The following TNNI3K variants were observed in gnomAD, a reference collection of about 807,000 sequenced individuals.
TNNI3K encodes the protein serine/threonine-protein kinase TNNI3K.
In TNNI3K, 140 loss-of-function variants were observed where a neutral mutation model predicts 114.5. The observed-to-expected ratio is 1.22, with a 90% CI of 1.07 to 1.41. TNNI3K has a LOEUF of 1.41. Ranked by LOEUF, TNNI3K falls within the 40% of genes most tolerant of loss-of-function variation. TNNI3K has a pLI of 0.00. For synonymous variants in TNNI3K, 347 were observed against 347.5 expected, an observed-to-expected ratio of 1.00 and a Z score of 0.02; for missense variants, 1,125 against 1,007.6, an observed-to-expected ratio of 1.12 and a Z score of -1.58.
chr1:74,259,021 C>A (rs1181366214), intron 4 of TNNI3K, among the ~76,000 whole-genome samples: 2 of 152,196 alleles, frequency 1.3e-5, no homozygotes, highest in Non-Finnish European at 2.9e-5. Context: ...GCATCCACCC[C>A]AACTAAAAGA....
At chr1:74,525,821 C>A (rs1439653680) in intron 23 of TNNI3K, among the ~76,000 whole-genome samples, 1 of 152,122 alleles carries the variant, frequency 6.6e-6, no homozygotes, top group African/African-American at 2.4e-5. Flanking sequence ...ACCTGGGTTG[C>A]CCCAGGATTC....
At chr1:74,237,126 T>G (rs17527324) in intron 2 of TNNI3K, among the ~76,000 whole-genome samples, 14,197 of 151,994 alleles carry the variant, frequency 0.093, 685 homozygotes, top group Middle Eastern at 0.13. Flanking sequence ...TAATATAGTT[T>G]ATATGAAATT....
chr1:74,352,555 T>C (rs1661417995), intron 9 of TNNI3K, among the ~76,000 whole-genome samples: 1 of 152,220 alleles, frequency 6.6e-6, no homozygotes, highest in African/African-American at 2.4e-5. Context: ...GTCTGTGCCG[T>C]GCCCCCAGAG....
intron 5 of TNNI3K, among the ~76,000 whole-genome samples, chr1:74,282,164 TTACAG>T (rs1657054181): frequency 6.6e-6 from 1 of 151,910 alleles, no homozygotes; most frequent in South Asian, 2.1e-4. Flanking sequence ...TCACTGTACA[TTACAG>T]TAGAGTTAGA....
At chr1:74,309,381 A>AAAAAAAAAAG (rs1553129785) in intron 5 of TNNI3K, among the ~76,000 whole-genome samples, 2,016 of 143,210 alleles carry the variant, frequency 0.014, 122 homozygotes, top group African/African-American at 0.052. Flanking sequence ...AAAAAAAAAA[A>AAAAAAAAAAG]GAAGAGATAA....
At chr1:74,330,714 AT>A (rs543570874) in intron 5 of TNNI3K, among the ~76,000 whole-genome samples, 6 of 152,018 alleles carry the variant, frequency 3.9e-5, no homozygotes, top group Non-Finnish European at 5.9e-5. Context: ...TAGAAAAAAT[AT>A]TTTTTTTCTC....
intron 23 of TNNI3K, among the ~76,000 whole-genome samples, chr1:74,504,784 A>C (rs1304578420): frequency 3.3e-5 from 5 of 152,032 alleles, no homozygotes; most frequent in African/African-American, 1.2e-4. Flanking sequence ...TGATGCTGTA[A>C]TTTCGTGTTC....
intron 23 of TNNI3K, among the ~76,000 whole-genome samples, chr1:74,512,285 A>G (rs1393400693): frequency 6.6e-6 from 1 of 152,174 alleles, no homozygotes; most frequent in Non-Finnish European, 1.5e-5. Flanking sequence ...AGTGACATAG[A>G]CACAGTAGAG....
At chr1:74,403,540 C>G (rs1223964605) in intron 17 of TNNI3K, among the ~76,000 whole-genome samples, 1 of 152,072 alleles carries the variant, frequency 6.6e-6, no homozygotes, top group Non-Finnish European at 1.5e-5. Context: ...TTATTGTCTA[C>G]TATTAACATT....
At chr1:74,457,070 A>T (rs1369201846) in intron 20 of TNNI3K, among the ~76,000 whole-genome samples, 4 of 152,106 alleles carry the variant, frequency 2.6e-5, no homozygotes, top group African/African-American at 9.7e-5. Flanking sequence ...ATACAAACAC[A>T]CTGATGATGT....
At chr1:74,445,843 C>T (rs1160775829) in intron 20 of TNNI3K, among the ~76,000 whole-genome samples, 2 of 152,064 alleles carry the variant, frequency 1.3e-5, no homozygotes, top group African/African-American at 4.8e-5. Flanking sequence ...ATCTCCTGAC[C>T]TCGTGATCCG....
rs1431968889 is a variant in TNNI3K at position 74,249,469 on chromosome 1, G to A, written c.160G>A (p.Ala54Thr). 1 of 1,612,718 alleles carries A rather than the reference G, an allele frequency of 6.2e-7. No individual in the cohort carries two copies. Among genetic ancestry groups the A allele is most frequent in the East Asian group, 2.2e-5 (1 of 44,776 alleles). The part of the protein sequence containing the change: ...ELRNIFGSDE[A>T]FSKVNLNYRT... ...ACATGTTTTTTTCAGCTCTGATGAA[G>A]CCTTCAGTAAAGTCAATTTAAATTA... is the stretch of plus-strand genomic sequence containing the variant. The change falls in exon 3 of 25, where the codon GCC (alanine) becomes ACC (threonine). Residue 54 changes from alanine (A) to threonine (T), a missense_variant. Coordinates refer to ENST00000326637, the MANE Select transcript of TNNI3K (RefSeq NM_015978.3).
chr1:74,537,542 T>A (rs1337994752), intron 23 of TNNI3K, among the ~76,000 whole-genome samples: 1 of 152,202 alleles, frequency 6.6e-6, no homozygotes, highest in Non-Finnish European at 1.5e-5. Context: ...TGTCTCCAAA[T>A]GAACATTTTG....
intron 4 of TNNI3K, among the ~76,000 whole-genome samples, chr1:74,252,994 C>T (rs1379308672): frequency 6.6e-6 from 1 of 152,114 alleles, no homozygotes; most frequent in African/African-American, 2.4e-5. Context: ...GCTGATTGGT[C>T]CGTTTTACAG....
chr1:74,415,823 G>A (rs769545752), intron 17 of TNNI3K, among the ~76,000 whole-genome samples: 1 of 150,218 alleles, frequency 6.7e-6, no homozygotes, highest in Admixed American at 6.6e-5. Flanking sequence ...ATAAATTATT[G>A]TTAAATCTAC....
rs1557525685 is a variant in TNNI3K, at chr1:74,369,414, C to G, written c.1496C>G (p.Ser499Cys). 5 of 1,611,110 alleles carry G rather than the reference C, an allele frequency of 3.1e-6. No individual in the cohort carries two copies. In the East Asian group the frequency reaches 6.7e-5, roughly 22 times the overall value. Residue 499 changes from serine (S) to cysteine (C), a missense_variant, in exon 16 of 25, where the codon TCC (serine) becomes TGC (cysteine). Ser to Cys is a moderately radical substitution (Grantham distance 112). Transcript: ENST00000326637. ...AGTTATCGAGCCAATACCTACTGCT[C>G]CAAGTCAGATGTGGATATGTTTTGC... is the stretch of plus-strand genomic sequence containing the variant. ...IKRYRANTYC[S>C]KSDVDMFCRE...
At chr1:74,367,670 C>T (rs1409746783) in intron 12 of TNNI3K, among the ~76,000 whole-genome samples, 1 of 151,920 alleles carries the variant, frequency 6.6e-6, no homozygotes, top group Non-Finnish European at 1.5e-5. Context: ...ACTGAATACT[C>T]ATATCCAGAG....
chr1:74,407,102 C>A (rs1169356789), intron 17 of TNNI3K, among the ~76,000 whole-genome samples: 1 of 152,116 alleles, frequency 6.6e-6, no homozygotes, highest in Non-Finnish European at 1.5e-5. Flanking sequence ...GCATGATGTT[C>A]AACAAAGCCA....
intron 1 of TNNI3K, among the ~76,000 whole-genome samples, chr1:74,235,869 AT>A (rs1323770104): frequency 1.3e-5 from 2 of 151,434 alleles, no homozygotes; most frequent in Admixed American, 1.3e-4. Context: ...AGTCAAATAT[AT>A]TTTTCTATGT....
Sources: allele counts gnomAD v4.1 joint callset (sites outside exome capture counted in the v4.1 genomes callset), GRCh38; gene constraint gnomAD v4.1.1; transcripts MANE v1.5; gene names NCBI Gene and HGNC (gene_info 2026-07-23, HGNC 2026-07-21).